GRB14: variants seen among roughly 807,000 people sequenced by gnomAD.
The protein encoded by GRB14 is growth factor receptor-bound protein 14.
A neutral mutation model predicts 69.1 loss-of-function variants in GRB14; 38 were observed. The ratio of observed to expected loss-of-function variants is 0.55; its 90% CI spans 0.42 to 0.72. GRB14 has a LOEUF of 0.72. GRB14 is among the 30% of genes least tolerant of loss of function. GRB14 has a pLI of 0.00. For missense variants in GRB14, 666 were observed against 666.1 expected, an observed-to-expected ratio of 1.00 and a Z score of 0.00; for synonymous variants, 247 against 241.3, an observed-to-expected ratio of 1.02 and a Z score of -0.22.
intron 3 of GRB14, among the ~76,000 whole-genome samples, chr2:164,532,684 A>G (rs1687978211): frequency 6.6e-6 from 1 of 152,202 alleles, no homozygotes; most frequent in Admixed American, 6.5e-5. Context: ...GTTAACGGGC[A>G]AGGGGTGGAA....
intron 2 of GRB14, among the ~76,000 whole-genome samples, chr2:164,571,189 C>A (rs1689114249): frequency 6.6e-6 from 1 of 152,162 alleles, no homozygotes; most frequent in Non-Finnish European, 1.5e-5. Context: ...TCAGCCTATT[C>A]TTTTTTCTCA....
At chr2:164,566,774 A>C (rs570292577) in intron 2 of GRB14, among the ~76,000 whole-genome samples, 22 of 152,280 alleles carry the variant, frequency 1.4e-4, no homozygotes, top group African/African-American at 5.0e-4. Context: ...TGAAAATATA[A>C]AATATTTGGT....
In GRB14 at chr2:164,570,593, C is replaced by T. The variant is rs376281715; in HGVS notation, c.325-22777G>A. ...ATAGGGGTAAGATCAGGGCAGGCTG[C>T]AAGAAGGAAACGGCACTTGCTTTGA... On this transcript the variant is annotated intron_variant, in intron 2 of 13. Coordinates refer to ENST00000263915, the MANE Select transcript of GRB14 (RefSeq NM_004490.3). Among the ~76,000 whole-genome samples the T allele has an allele frequency of 7.2e-5, 11 of 152,134 alleles. No homozygotes were observed. The East Asian group carries it at 1.2e-3, about 16-fold the overall frequency.
chr2:164,528,520 C>T (rs974007685), intron 3 of GRB14, among the ~76,000 whole-genome samples: 1 of 152,048 alleles, frequency 6.6e-6, no homozygotes, highest in East Asian at 1.9e-4. Flanking sequence ...CTTAAATAGA[C>T]ATTTATTCAT....
chr2:164,528,711 A>G (rs947661987), intron 3 of GRB14, among the ~76,000 whole-genome samples: 1 of 151,940 alleles, frequency 6.6e-6, no homozygotes, highest in African/African-American at 2.4e-5. Context: ...TCCCCCTATA[A>G]ATTAATCCAT....
chr2:164,560,247 T>C (rs1204487723), intron 2 of GRB14, among the ~76,000 whole-genome samples: 1 of 152,206 alleles, frequency 6.6e-6, no homozygotes, highest in Admixed American at 6.5e-5. Context: ...CACTAGAACA[T>C]AATTAGATGT....
chr2:164,611,496 A>C (rs1469817984), intron 2 of GRB14, among the ~76,000 whole-genome samples: 4 of 151,962 alleles, frequency 2.6e-5, no homozygotes, highest in Non-Finnish European at 5.9e-5. Flanking sequence ...GGGTGGAGAA[A>C]GATAAATTTA....
At chr2:164,609,692 C>T (rs1690122000) in intron 2 of GRB14, among the ~76,000 whole-genome samples, 1 of 152,108 alleles carries the variant, frequency 6.6e-6, no homozygotes, top group Admixed American at 6.5e-5. Context: ...TGACAAAAGG[C>T]CATTTCAGCA....
intron 6 of GRB14, among the ~76,000 whole-genome samples, chr2:164,516,664 A>C (rs1432747907): frequency 6.6e-6 from 1 of 152,140 alleles, no homozygotes; most frequent in African/African-American, 2.4e-5. Context: ...AGTGCTGAAA[A>C]AATTCGCCAC....
chr2:164,547,122 A>G (rs1574294910), intron 3 of GRB14, among the ~76,000 whole-genome samples: 1 of 152,314 alleles, frequency 6.6e-6, no homozygotes, highest in African/African-American at 2.4e-5. Context: ...AGGCTCGAAT[A>G]AATAACTAAT....
At chr2:164,532,905 C>T (rs1428165958) in intron 3 of GRB14, among the ~76,000 whole-genome samples, 2 of 152,032 alleles carry the variant, frequency 1.3e-5, no homozygotes, top group Non-Finnish European at 2.9e-5. Flanking sequence ...CTCTGGGAAA[C>T]GAGGCAGAGT....
At chr2:164,537,047 G>T (rs1437191624) in intron 3 of GRB14, among the ~76,000 whole-genome samples, 2 of 152,168 alleles carry the variant, frequency 1.3e-5, no homozygotes, top group East Asian at 3.9e-4. Flanking sequence ...AGCAGCAGCA[G>T]CAGTTTGCGC....
intron 2 of GRB14, among the ~76,000 whole-genome samples, chr2:164,606,769 A>G (rs1389070351): frequency 6.6e-6 from 1 of 152,212 alleles, no homozygotes; most frequent in African/African-American, 2.4e-5. Flanking sequence ...AAATAGCTCT[A>G]AAGAGAAACT....
chr2:164,549,863 A>AAAAAT (rs10557491), intron 2 of GRB14, among the ~76,000 whole-genome samples: 1,685 of 110,046 alleles, frequency 0.015, 64 homozygotes, highest in Middle Eastern at 0.018. Flanking sequence ...GACTCCATCT[A>AAAAAT]AAAATAAAAT....
chr2:164,620,092 C>T lies in GRB14; in HGVS notation c.192-273G>A, dbSNP rs113693095. 797 of 260,634 alleles carry T rather than the reference C, an allele frequency of 3.1e-3. 24 individuals are homozygous for T. The highest frequency in any genetic ancestry group is 0.02 in the African/African-American group (772 of 38,130). 16.1% of individuals were successfully genotyped at this position (260,634 alleles called of 1,614,324 possible). ...CCCACCACCCCTCCCCCCCCCACCGCCTTCTCTCTCTCTTGCCTTTAAATC... is the reference window on the plus strand; with the variant it reads ...CCCACCACCCCTCCCCCCCCCACCGTCTTCTCTCTCTCTTGCCTTTAAATC... On this transcript the variant is annotated intron_variant, in intron 1 of 13. Coordinates refer to ENST00000263915, the MANE Select transcript of GRB14 (RefSeq NM_004490.3).
rs114658453 is a variant in GRB14, at chr2:164,539,503, T to A, written c.481+8157A>T. 4.6e-3 allele frequency among the ~76,000 whole-genome samples: 697 copies of A among 152,098 alleles called. 8 individuals are homozygous for A. Among genetic ancestry groups the A allele is most frequent in the African/African-American group, 0.016 (663 of 41,462 alleles). ...AAAAAAAATACTAATAAGATTGAAGTTTCCTTTGCCACAGAAAATTTAACT... is the reference window on the plus strand; with the variant it reads ...AAAAAAAATACTAATAAGATTGAAGATTCCTTTGCCACAGAAAATTTAACT... On this transcript the variant is annotated intron_variant, in intron 3 of 13. Transcript: ENST00000263915.
intron 2 of GRB14, among the ~76,000 whole-genome samples, chr2:164,616,888 T>G (rs987155108): frequency 6.6e-6 from 1 of 152,206 alleles, no homozygotes; most frequent in Non-Finnish European, 1.5e-5. Context: ...GTAGAACATA[T>G]CGCATAGTCA....
intron 2 of GRB14, among the ~76,000 whole-genome samples, chr2:164,598,421 T>C (rs1226545999): frequency 1.3e-5 from 2 of 152,206 alleles, no homozygotes; most frequent in Non-Finnish European, 2.9e-5. Context: ...TTACATATGA[T>C]AGCATACATC....
chr2:164,552,233 C>G (rs1324979985), intron 2 of GRB14, among the ~76,000 whole-genome samples: 1 of 152,208 alleles, frequency 6.6e-6, no homozygotes, highest in Non-Finnish European at 1.5e-5. Context: ...AATATCCAAA[C>G]TGTATCACCC....
Sources: gnomAD v4.1 joint callset for allele counts (sites outside exome capture counted in the v4.1 genomes callset) on GRCh38, gnomAD v4.1.1 for gene constraint, MANE v1.5 for transcripts, NCBI Gene and HGNC (gene_info 2026-07-23, HGNC 2026-07-21) for gene names.